ACSS2: variants seen among roughly 807,000 people sequenced by gnomAD.
ACSS2 encodes the protein acyl-CoA synthetase short chain family member 2.
A neutral mutation model predicts 90.6 loss-of-function variants in ACSS2; 58 were observed. The observed-to-expected ratio is 0.64, with a 90% CI of 0.52 to 0.80. The LOEUF is 0.80. ACSS2 is among the 30% of genes least tolerant of loss of function. ACSS2 has a pLI of 0.00. For synonymous variants in ACSS2, 300 were observed against 330.9 expected, an observed-to-expected ratio of 0.91 and a Z score of 1.01; for missense variants, 759 against 912.0, an observed-to-expected ratio of 0.83 and a Z score of 2.16.
At chr20:34,922,528 G>A (rs940765812) in intron 13 of ACSS2, among the ~76,000 whole-genome samples, 8 of 152,260 alleles carry the variant, frequency 5.3e-5, no homozygotes, top group African/African-American at 1.4e-4. Context: ...CACTTGAACC[G>A]GGGAGGTGGA....
At chr20:34,902,336 G>C (rs1456329193) in intron 2 of ACSS2, among the ~76,000 whole-genome samples, 2 of 152,042 alleles carry the variant, frequency 1.3e-5, no homozygotes, top group Non-Finnish European at 2.9e-5. Flanking sequence ...ATAACAATAA[G>C]TAAACAAATA....
At chr20:34,921,227 A>G (rs2147098313) in intron 10 of ACSS2, 88 bp downstream of exon 10, 6 of 1,607,764 alleles carry the variant, frequency 3.7e-6, no homozygotes, top group Non-Finnish European at 5.1e-6. Context: ...CCATTGTCCC[A>G]ACTCTCTGAC....
chr20:34,897,613 G>C lies in ACSS2; in HGVS notation c.374+14624G>C, dbSNP rs566306061. Among the ~76,000 whole-genome samples the C allele has an allele frequency of 7.9e-5, 12 of 152,236 alleles. No individual in the cohort carries two copies. In the South Asian group the frequency reaches 2.3e-3, roughly 29 times the overall value. ...ATCACCTGAGGTTGGTGGATCACCTGAGCTTGGCAGTTTGAGACCAGCCTG... is the reference window on the plus strand; with the variant it reads ...ATCACCTGAGGTTGGTGGATCACCTCAGCTTGGCAGTTTGAGACCAGCCTG... On this transcript the variant is annotated intron_variant, in intron 2 of 17. Transcript: ENST00000360596.
intron 10 of ACSS2, 89 bp downstream of exon 10, chr20:34,921,228 ACT>A: frequency 1.2e-6 from 2 of 1,606,932 alleles, no homozygotes; most frequent in South Asian, 1.1e-5. Context: ...CATTGTCCCA[ACT>A]CTCTGACCTG....
In ACSS2 at chr20:34,923,349, C is replaced by A; in HGVS notation, c.1575C>A (p.Ile525=). The change falls in exon 14 of 18, where the codon ATC becomes ATA. Residue 525 remains isoleucine (I), a synonymous_variant. Coordinates refer to ENST00000360596, the MANE Select transcript of ACSS2 (RefSeq NM_018677.4). The stretch of plus-strand genomic sequence containing the variant: ...TGTTCAAGCAGCCCTGGCCAGGGAT[C>A]ATGCGCACAGTCTATGGGAACCACG... ...YLVFKQPWPG[I]MRTVYGNHER... 6.2e-7 allele frequency: 1 copy of A among 1,614,170 alleles called. No homozygotes were observed. The highest frequency in any genetic ancestry group is 8.5e-7 in the Non-Finnish European group (1 of 1,180,024).
intron 2 of ACSS2, among the ~76,000 whole-genome samples, chr20:34,895,732 TGAGA>T (rs2080444198): frequency 6.6e-6 from 1 of 152,070 alleles, no homozygotes; most frequent in South Asian, 2.1e-4. Flanking sequence ...TAAAAGAGAG[TGAGA>T]AAGAAGAACC....
intron 16 of ACSS2, among the ~76,000 whole-genome samples, chr20:34,926,671 C>A (rs761239332): frequency 6.6e-6 from 1 of 152,078 alleles, no homozygotes; most frequent in African/African-American, 2.4e-5. Context: ...CTAGCAGGCT[C>A]ATTCTACAGC....
chr20:34,885,696 T>C (rs1453408857), intron 2 of ACSS2, among the ~76,000 whole-genome samples: 2 of 152,224 alleles, frequency 1.3e-5, no homozygotes, highest in African/African-American at 2.4e-5. Context: ...CCTGAATTTA[T>C]TGAAGCCCCA....
At chr20:34,896,625 A>G (rs2080467440) in intron 2 of ACSS2, among the ~76,000 whole-genome samples, 1 of 152,224 alleles carries the variant, frequency 6.6e-6, no homozygotes, top group Non-Finnish European at 1.5e-5. Flanking sequence ...TGTGGTAAGC[A>G]CTAAGGAGAA....
intron 7 of ACSS2, among the ~76,000 whole-genome samples, chr20:34,918,803 G>A (rs139023476): frequency 3.5e-4 from 54 of 152,286 alleles, no homozygotes; most frequent in African/African-American, 1.2e-3. Context: ...TGTGGTGTCC[G>A]CATCCCTGCT....
intron 2 of ACSS2, among the ~76,000 whole-genome samples, chr20:34,903,553 A>G (rs2080722346): frequency 6.6e-6 from 1 of 152,046 alleles, no homozygotes; most frequent in African/African-American, 2.4e-5. Flanking sequence ...TAAACAGTTC[A>G]GTGTTCCTCT....
chr20:34,922,118 C>A, intron 13 of ACSS2: 2 of 763,434 alleles, frequency 2.6e-6, no homozygotes, highest in Non-Finnish European at 3.6e-6. Context: ...CTTTTTGGGT[C>A]TGGAAGACTA....
At chr20:34,899,165 G>A (rs1447407393) in intron 2 of ACSS2, among the ~76,000 whole-genome samples, 1 of 152,146 alleles carries the variant, frequency 6.6e-6, no homozygotes, top group Non-Finnish European at 1.5e-5. Context: ...GCGCAGCCCC[G>A]GTTCCCGCTC....
chr20:34,894,664 A>T (rs1220436287), intron 2 of ACSS2, among the ~76,000 whole-genome samples: 1 of 152,146 alleles, frequency 6.6e-6, no homozygotes, highest in Non-Finnish European at 1.5e-5. Flanking sequence ...CTCAAAAAAG[A>T]AGTTAGGGAG....
Position 34,926,117 on chromosome 20 carries a change from G to A in ACSS2, c.1739G>A (p.Ser580Asn), listed in dbSNP as rs746967908. ...TTCCCTTGACAAGGACACCTGCTGA[G>A]TACAGCAGAGGTGGAGTCAGCACTT... ...DMLNVSGHLL[S>N]TAEVESALVE... Residue 580 changes from serine (S) to asparagine (N), a missense_variant, in exon 16 of 18, where the codon AGT becomes AAT. Transcript: ENST00000360596. The A allele has an allele frequency of 2.5e-6, 4 of 1,614,118 alleles. No homozygotes were observed. The South Asian group carries it at 3.3e-5, about 13-fold the overall frequency.
At chr20:34,914,767 C>T (rs2081042987) in intron 7 of ACSS2, among the ~76,000 whole-genome samples, 1 of 152,196 alleles carries the variant, frequency 6.6e-6, no homozygotes, top group South Asian at 2.1e-4. Context: ...ATATAGTCAT[C>T]TCCATTACTA....
intron 2 of ACSS2, among the ~76,000 whole-genome samples, chr20:34,899,008 TG>T (rs1437101060): frequency 6.6e-6 from 1 of 152,196 alleles, no homozygotes; most frequent in African/African-American, 2.4e-5. Context: ...CTGGCACTGC[TG>T]GGGTACCCAG....
At chr20:34,903,267 G>C (rs1005934681) in intron 2 of ACSS2, among the ~76,000 whole-genome samples, 1 of 151,510 alleles carries the variant, frequency 6.6e-6, no homozygotes, top group Non-Finnish European at 1.5e-5. Flanking sequence ...ATTTGAACCC[G>C]GCAGGCAGAG....
chr20:34,925,888 C>G (rs2081307990), intron 15 of ACSS2, 122 bp downstream of exon 15: 1 of 1,208,346 alleles, frequency 8.3e-7, no homozygotes. Flanking sequence ...GTGTAGCATT[C>G]AGTTCTGGGC....
Sources: allele counts gnomAD v4.1 joint callset (sites outside exome capture counted in the v4.1 genomes callset), GRCh38; gene constraint gnomAD v4.1.1; transcripts MANE v1.5; gene names NCBI Gene and HGNC (gene_info 2026-07-23, HGNC 2026-07-21).